The following NSD1 variants were observed in gnomAD, a reference collection of about 807,000 sequenced individuals.
The protein encoded by NSD1 is histone-lysine N-methyltransferase, H3 lysine-36 specific.
NSD1 carries 26 observed loss-of-function variants against 242.7 expected under a neutral mutation model. The ratio of observed to expected loss-of-function variants is 0.11; its 90% confidence interval spans 0.08 to 0.15. The LOEUF is 0.15. Among genes scored for constraint, NSD1 ranks in the 10% least tolerant of loss-of-function variants. The pLI is 1.00. For synonymous variants in NSD1, 1,106 were observed against 1,178.1 expected, an observed-to-expected ratio of 0.94 and a Z score of 1.25; for missense variants, 2,495 against 3,272.8, an observed-to-expected ratio of 0.76 and a Z score of 5.80.
rs762447935 is a variant in NSD1 at position 177,294,505 on chromosome 5, A to G, written c.7137A>G (p.Ser2379=). The G allele has an allele frequency of 9.9e-6, 16 of 1,614,036 alleles. No individual in the cohort carries two copies. The highest frequency in any genetic ancestry group is 3.3e-5 in the Admixed American group (2 of 60,002). ...SPRPQSLEKT[S]VPTGLRLPPP... ...GGCCCCAGTCACTGGAGAAAACCTC[A>G]GTTCCCACTGGCCTGAGACTTCCGC... is the stretch of plus-strand genomic sequence containing the variant. Residue 2379 remains serine, a synonymous_variant, in exon 23 of 23, where the codon TCA becomes TCG. Transcript: ENST00000439151.
intron 2 of NSD1, among the ~76,000 whole-genome samples, chr5:177,190,788 G>C (rs921820423): frequency 6.6e-5 from 10 of 151,102 alleles, no homozygotes; most frequent in African/African-American, 2.5e-4. Flanking sequence ...TCCTGCCTCA[G>C]CCTCCCGAGT....
At chr5:177,266,557 A>ACG in intron 14 of NSD1, 1 of 707,094 alleles carries the variant, frequency 1.4e-6, no homozygotes, top group Admixed American at 2.6e-5. Context: ...GGACACCTCC[A>ACG]TGATGCAGTT....
intron 2 of NSD1, among the ~76,000 whole-genome samples, chr5:177,175,772 A>G (rs897746873): frequency 2.0e-5 from 3 of 152,212 alleles, no homozygotes; most frequent in Admixed American, 1.3e-4. Flanking sequence ...CATCTAGAGT[A>G]GTTTTATTAA....
intron 2 of NSD1, among the ~76,000 whole-genome samples, chr5:177,175,629 A>T (rs1760127740): frequency 1.3e-5 from 2 of 151,932 alleles, no homozygotes; most frequent in Non-Finnish European, 2.9e-5. Flanking sequence ...AATCTGCCTT[A>T]AAAAAAATAA....
chr5:177,259,939 A>G (rs781733492), intron 13 of NSD1, 50 bp from the exon 14 acceptor site: 14 of 1,593,796 alleles, frequency 8.8e-6, no homozygotes, highest in Non-Finnish European at 1.2e-5. Context: ...TTCTTTTTAT[A>G]TTTAATATTT....
chr5:177,271,115 C>G (rs1757913977), intron 16 of NSD1, among the ~76,000 whole-genome samples: 1 of 152,064 alleles, frequency 6.6e-6, no homozygotes, highest in Non-Finnish European at 1.5e-5. Flanking sequence ...CAGGGGGTTT[C>G]TAGGTGCCTC....
At chr5:177,181,935 G>A (rs1003387427) in intron 2 of NSD1, among the ~76,000 whole-genome samples, 1 of 151,680 alleles carries the variant, frequency 6.6e-6, no homozygotes, top group African/African-American at 2.4e-5. Context: ...GGCGGATCAC[G>A]AGGTCAGGAG....
At position 177,210,140 on chromosome 5, in the gene NSD1, G is replaced by A; in HGVS notation, c.1741G>A (p.Glu581Lys). 1 of 1,613,424 alleles carries A rather than the reference G, an allele frequency of 6.2e-7. No individual in the cohort carries two copies. Among genetic ancestry groups the A allele is most frequent in the South Asian group, 1.1e-5 (1 of 90,908 alleles). The change falls in exon 5 of 23, where the codon GAA becomes AAA. Residue 581 changes from glutamate (E) to lysine (K), a missense_variant. Coordinates refer to ENST00000439151, the MANE Select transcript of NSD1 (RefSeq NM_022455.5). ...SSCGKNTAKK[E>K]FETSNGDSLL... ...CTGTGGAAAAAACACTGCAAAGAAA[G>A]AATTTGAGACTTCAAATGGTGACTC...
chr5:177,219,106 A>G (rs1764031815), intron 5 of NSD1, among the ~76,000 whole-genome samples: 1 of 151,548 alleles, frequency 6.6e-6, no homozygotes, highest in African/African-American at 2.4e-5. Context: ...TAGGTTGTTG[A>G]GTTGAAAACT....
At position 177,294,543 on chromosome 5, in the gene NSD1, T is replaced by A. The variant is rs2127281803; in HGVS notation, c.7175T>A (p.Leu2392Gln). Residue 2392 changes from leucine to glutamine, a missense_variant, in exon 23 of 23, where the codon CTG (leucine) becomes CAG (glutamine). By Grantham distance (113) the Leu-to-Gln change is moderately radical. This residue lies in a region of NSD1 where 475 missense variants were observed against 563.7 expected (regional missense o/e 0.84). Transcript: ENST00000439151. ...CTGAGACTTCCGCCGCCAGACAGAC[T>A]GCTCATTACTAGCAGTCCCAAACCC... is the stretch of plus-strand genomic sequence containing the variant. The part of the protein sequence containing the change: ...TGLRLPPPDR[L>Q]LITSSPKPQT... 1 of 1,614,222 alleles carries A rather than the reference T, an allele frequency of 6.2e-7. No individual in the cohort carries two copies. Among genetic ancestry groups the A allele is most frequent in the Non-Finnish European group, 8.5e-7 (1 of 1,180,040 alleles).
In NSD1 at chr5:177,211,411, C is replaced by A. The variant is rs746107843; in HGVS notation, c.3012C>A (p.Asp1004Glu). 2 of 1,614,022 alleles carry A rather than the reference C, an allele frequency of 1.2e-6. No homozygotes were observed. Among genetic ancestry groups the A allele is most frequent in the Non-Finnish European group, 1.7e-6 (2 of 1,180,044 alleles). The part of the protein sequence containing the change: ...SLPGLLSDKR[D>E]LPASGKSRSD... ...CTGGCTTACTGTCCGACAAGAGAGA[C>A]CTCCCTGCTTCTGGTAAAAGTCGTT... is the stretch of plus-strand genomic sequence containing the variant. The change falls in exon 5 of 23, where the codon GAC becomes GAA. Residue 1004 changes from aspartate to glutamate, a missense_variant. By Grantham distance (45) the Asp-to-Glu change is conservative. Around this residue, in one of 19 missense-constraint regions of NSD1, gnomAD observed 426 missense variants for 411.4 expected, o/e 1.04. Transcript: ENST00000439151.
intron 20 of NSD1, chr5:177,288,400 C>T (rs1581546611): frequency 3.9e-6 from 1 of 256,640 alleles, no homozygotes; most frequent in Non-Finnish European, 7.6e-6. Context: ...TGAGATGCCT[C>T]TCCAGAGTGC....
Position 177,294,170 on chromosome 5 carries a change from G to A in NSD1, c.6802G>A (p.Ala2268Thr), listed in dbSNP as rs771369073. Reference protein sequence around the residue: ...TNQMLSLSKKALAGTCQRPLL... With the variant: ...TNQMLSLSKKTLAGTCQRPLL... ...CCAGATGCTGTCGCTCTCCAAAAAA[G>A]CTCTGGCAGGGACTTGTCAGAGGCC... Residue 2268 changes from alanine (A) to threonine (T), a missense_variant, in exon 23 of 23, where the codon GCT becomes ACT. Around this residue, in one of 19 missense-constraint regions of NSD1, gnomAD observed 475 missense variants for 563.7 expected, o/e 0.84. Coordinates refer to ENST00000439151, the MANE Select transcript of NSD1 (RefSeq NM_022455.5). The A allele has an allele frequency of 2.5e-6, 4 of 1,614,192 alleles. No individual in the cohort carries two copies. In the South Asian group the frequency reaches 3.3e-5, roughly 13 times the overall value.
At chr5:177,270,158 T>G (rs1489362944) in intron 16 of NSD1, among the ~76,000 whole-genome samples, 1 of 149,468 alleles carries the variant, frequency 6.7e-6, no homozygotes, top group African/African-American at 2.5e-5. Context: ...CCAAGGAGTC[T>G]TGTCTTGTCT....
At chr5:177,191,400 A>G (rs915622754) in intron 2 of NSD1, among the ~76,000 whole-genome samples, 4 of 152,208 alleles carry the variant, frequency 2.6e-5, no homozygotes, top group East Asian at 3.8e-4. Flanking sequence ...ACTCCTGGCT[A>G]TTACTATTGT....
chr5:177,289,915 T>C (rs1049720162), intron 21 of NSD1, among the ~76,000 whole-genome samples: 5 of 151,212 alleles, frequency 3.3e-5, no homozygotes, highest in Non-Finnish European at 7.4e-5. Context: ...GCAAGCTCCG[T>C]CTCCCGGGTT....
At chr5:177,187,753 A>G (rs889611980) in intron 2 of NSD1, among the ~76,000 whole-genome samples, 4 of 152,080 alleles carry the variant, frequency 2.6e-5, no homozygotes, top group Non-Finnish European at 4.4e-5. Flanking sequence ...TTTGTTTCCA[A>G]ATTTCTCCAT....
intron 3 of NSD1, among the ~76,000 whole-genome samples, chr5:177,200,847 G>C (rs956672094): frequency 1.3e-5 from 2 of 151,280 alleles, no homozygotes; most frequent in South Asian, 4.2e-4. Flanking sequence ...TTTCCTTTTG[G>C]CCATTCTGAA....
At chr5:177,175,436 G>A (rs977028423) in intron 2 of NSD1, among the ~76,000 whole-genome samples, 3 of 151,780 alleles carry the variant, frequency 2.0e-5, no homozygotes, top group Non-Finnish European at 4.4e-5. Flanking sequence ...AACCAGCCTC[G>A]GCAACATGGC....
Sources: allele counts gnomAD v4.1 joint callset (sites outside exome capture counted in the v4.1 genomes callset), GRCh38; gene constraint gnomAD v4.1.1; regional missense constraint gnomAD v4.1.1; transcripts MANE v1.5; gene names NCBI Gene and HGNC (gene_info 2026-07-23, HGNC 2026-07-21).